Variants in ZNF718 observed in about 807,000 individuals in gnomAD.
The protein encoded by ZNF718 is zinc finger protein 718.
ZNF718 carries 3 observed loss-of-function variants against 2.6 expected under a neutral mutation model. The ratio of observed to expected loss-of-function variants is 1.16; its 90% CI spans 0.53 to 3.01. ZNF718 has a LOEUF of 3.01. Ranked by LOEUF, ZNF718 falls within the 30% of genes most tolerant of loss-of-function variation. The pLI is 0.03. For synonymous variants in ZNF718, 135 were observed against 77.9 expected, an observed-to-expected ratio of 1.73 and a Z score of -3.86; for missense variants, 468 against 230.0, an observed-to-expected ratio of 2.03 and a Z score of -6.69.
At chr4:176,876 G>GC (rs1450837640) in intron 3 of ZNF718, among the ~76,000 whole-genome samples, 1 of 152,190 alleles carries the variant, frequency 6.6e-6, no homozygotes, top group Non-Finnish European at 1.5e-5. Flanking sequence ...ATACTGGGCA[G>GC]CCAAAATGGA....
chr4:173,304 A>T (rs1553818456), intron 3 of ZNF718, among the ~76,000 whole-genome samples: 1 of 152,110 alleles, frequency 6.6e-6, no homozygotes, highest in East Asian at 1.9e-4. Flanking sequence ...CTCTGATTTT[A>T]TTACCTTCGT....
chr4:198,057 A>G (rs1717827354), intron 3 of ZNF718, among the ~76,000 whole-genome samples: 1 of 152,142 alleles, frequency 6.6e-6, no homozygotes, highest in Admixed American at 6.5e-5. Context: ...ACACAGCCTC[A>G]CCAACACCTG....
chr4:146,920 C>CA (rs1373540384), intron 3 of ZNF718, among the ~76,000 whole-genome samples: 15 of 151,582 alleles, frequency 9.9e-5, no homozygotes, highest in African/African-American at 3.4e-4. Flanking sequence ...TGCATTGTTG[C>CA]AAAAAAATTT....
intron 3 of ZNF718, among the ~76,000 whole-genome samples, chr4:196,680 A>G (rs1011583596): frequency 4.6e-5 from 7 of 152,104 alleles, no homozygotes; most frequent in African/African-American, 1.4e-4. Context: ...GCTTTCTGCC[A>G]CTAGTCAGCC....
chr4:161,317 C>G lies in ZNF718; in HGVS notation c.632C>G (p.Ser211Cys). Residue 211 changes from serine (S) to cysteine (C), a missense_variant, in exon 4 of 4, where the codon TCC (serine) becomes TGC (cysteine). Ser to Cys is a moderately radical substitution (Grantham distance 112, BLOSUM62 -1). Coordinates refer to ENST00000510175, the MANE Select transcript of ZNF718 (RefSeq NM_001039127.6). ...GAATGTGGCAAAGCCTTTAATTGGT[C>G]CTCAATTCTTACTAAACATAAGAGA... ...CEECGKAFNW[S>C]SILTKHKRIH... 1.3e-6 allele frequency: 1 copy of G among 781,014 alleles called. No homozygotes were observed. Among genetic ancestry groups the G allele is most frequent in the Non-Finnish European group, 2.4e-6 (1 of 418,540 alleles). 48.4% of individuals were successfully genotyped at this position (781,014 alleles called of 1,614,324 possible).
chr4:174,015 T>C (rs1352601456), intron 3 of ZNF718, among the ~76,000 whole-genome samples: 2 of 152,052 alleles, frequency 1.3e-5, no homozygotes, highest in Non-Finnish European at 2.9e-5. Context: ...AGAGCAGTCC[T>C]GCACATGAAT....
chr4:143,437 T>C (rs111733658), intron 3 of ZNF718, among the ~76,000 whole-genome samples: 118,264 of 152,002 alleles, frequency 0.78, 46,337 homozygotes, highest in East Asian at 0.96. Context: ...CCACCTGCCT[T>C]AGCCTCCCAA....
In ZNF718 at chr4:159,743, A is replaced by G. The variant is rs200866211; in HGVS notation, c.227-1169A>G. The stretch of plus-strand genomic sequence containing the variant: ...ACTCATTGAGCATTATTCAGGTTAA[A>G]CTTTTAAATTTTGAATATCTTCATT... On this transcript the variant is annotated intron_variant, in intron 3 of 3. Coordinates refer to ENST00000510175, the MANE Select transcript of ZNF718 (RefSeq NM_001039127.6). Among the ~76,000 whole-genome samples the G allele has an allele frequency of 2.0e-5, 3 of 152,122 alleles. No homozygotes were observed. In the East Asian group the frequency reaches 5.8e-4, roughly 29 times the overall value.
At chr4:138,317 T>C (rs1553809720) in intron 3 of ZNF718, among the ~76,000 whole-genome samples, 2 of 152,214 alleles carry the variant, frequency 1.3e-5, no homozygotes, top group Non-Finnish European at 2.9e-5. Flanking sequence ...GTAACAATCC[T>C]TCTGCTCTCT....
At chr4:180,468 T>G (rs1553819686) in intron 3 of ZNF718, among the ~76,000 whole-genome samples, 1 of 152,200 alleles carries the variant, frequency 6.6e-6, no homozygotes, top group African/African-American at 2.4e-5. Context: ...AGAAAAACTC[T>G]CGGTCGGGTT....
chr4:168,964 T>A (rs1371753001), downstream of ZNF718, among the ~76,000 whole-genome samples: 1 of 152,242 alleles, frequency 6.6e-6, no homozygotes, highest in Non-Finnish European at 1.5e-5. Flanking sequence ...ATTTTAGATC[T>A]TTCCTGCTTT....
intron 3 of ZNF718, among the ~76,000 whole-genome samples, chr4:196,857 C>T (rs1290916427): frequency 6.6e-6 from 1 of 151,802 alleles, no homozygotes; most frequent in Non-Finnish European, 1.5e-5. Context: ...TGACAGGTGC[C>T]CAGTATTTTC....
chr4:168,559 C>A (rs1278340097), downstream of ZNF718, among the ~76,000 whole-genome samples: 5 of 152,118 alleles, frequency 3.3e-5, no homozygotes, highest in African/African-American at 1.2e-4. Flanking sequence ...AGATATTCAA[C>A]TTTTTCCTAG....
intron 3 of ZNF718, among the ~76,000 whole-genome samples, chr4:153,573 A>G (rs1415695348): frequency 1.5e-5 from 1 of 64,756 alleles, no homozygotes; most frequent in Non-Finnish European, 3.1e-5. Flanking sequence ...TCATATTTTT[A>G]TCAATGATTT....
At chr4:152,516 C>T (rs898996488) in intron 3 of ZNF718, among the ~76,000 whole-genome samples, 4 of 149,962 alleles carry the variant, frequency 2.7e-5, no homozygotes, top group Non-Finnish European at 5.9e-5. Context: ...CATCTTGCAC[C>T]GCCCTTAATC....
At chr4:144,746 A>G (rs1366739254) in intron 3 of ZNF718, among the ~76,000 whole-genome samples, 5 of 151,934 alleles carry the variant, frequency 3.3e-5, no homozygotes, top group African/African-American at 1.2e-4. Flanking sequence ...CATTCCTGGT[A>G]TTTAATTTTA....
chr4:201,867 G>GAT (rs1434869376), exon 5 of ZNF718: 1 of 187,122 alleles, frequency 5.3e-6, no homozygotes, highest in Non-Finnish European at 1.2e-5. Flanking sequence ...TTTAGTAGAT[G>GAT]ATATAGTTCT....
chr4:189,156 G>A (rs1199643133), intron 3 of ZNF718, among the ~76,000 whole-genome samples: 3 of 150,778 alleles, frequency 2.0e-5, no homozygotes, highest in Non-Finnish European at 1.5e-5. Flanking sequence ...TGCCTCCTGG[G>A]TTCAAGCAAT....
intron 3 of ZNF718, among the ~76,000 whole-genome samples, chr4:142,517 A>G (rs1046998918): frequency 4.6e-5 from 7 of 152,338 alleles, no homozygotes; most frequent in African/African-American, 1.7e-4. Flanking sequence ...TAAAGAGACC[A>G]TTGCCAGGAG....
Sources: allele counts gnomAD v4.1 joint callset (sites outside exome capture counted in the v4.1 genomes callset), GRCh38; gene constraint gnomAD v4.1.1; transcripts MANE v1.5; gene names NCBI Gene and HGNC (gene_info 2026-07-23, HGNC 2026-07-21).